The following NAALADL2 variants were observed in gnomAD, a reference collection of about 807,000 sequenced individuals.
The protein encoded by NAALADL2 is inactive N-acetylated-alpha-linked acidic dipeptidase-like protein 2.
Under a neutral mutation model 87.2 loss-of-function variants are expected in NAALADL2, and 76 were observed. The observed-to-expected ratio is 0.87, with a 90% CI of 0.72 to 1.05. The LOEUF (loss-of-function observed/expected upper bound fraction) is 1.05, where lower values mean the gene tolerates loss of function less well. Ranked by LOEUF, NAALADL2 falls within the 50% of genes least tolerant of loss-of-function variation. The pLI is 0.00. For missense variants in NAALADL2, 1,089 were observed against 945.8 expected, an observed-to-expected ratio of 1.15 and a Z score of -1.99; for synonymous variants, 354 against 331.0, an observed-to-expected ratio of 1.07 and a Z score of -0.75.
At chr3:174,712,082 C>T (rs373664187) in intron 2 of NAALADL2, among the ~76,000 whole-genome samples, 2 of 152,192 alleles carry the variant, frequency 1.3e-5, no homozygotes, top group East Asian at 3.9e-4. Context: ...CCACCGCGCC[C>T]TGGCCTAACA....
At chr3:174,799,482 C>G (rs1337128641) in intron 3 of NAALADL2, among the ~76,000 whole-genome samples, 1 of 152,128 alleles carries the variant, frequency 6.6e-6, no homozygotes, top group East Asian at 1.9e-4. Flanking sequence ...CTCTGTTTGC[C>G]TGCTGCCATC....
At chr3:175,062,199 C>T (rs538816361) in intron 1 of NAALADL2, among the ~76,000 whole-genome samples, 1 of 152,236 alleles carries the variant, frequency 6.6e-6, no homozygotes, top group East Asian at 1.9e-4. Flanking sequence ...GAGACAGCAA[C>T]TTAATCTTGA....
At chr3:174,590,209 A>G (rs1717210479) in intron 2 of NAALADL2, among the ~76,000 whole-genome samples, 1 of 151,972 alleles carries the variant, frequency 6.6e-6, no homozygotes, top group Non-Finnish European at 1.5e-5. Flanking sequence ...TTATAAGGAT[A>G]TCTTGGTAAT....
At chr3:175,700,077 T>G (rs962337579) in intron 11 of NAALADL2, among the ~76,000 whole-genome samples, 3 of 152,154 alleles carry the variant, frequency 2.0e-5, no homozygotes, top group Non-Finnish European at 2.9e-5. Context: ...CCCTTATATT[T>G]GCAATCAACT....
chr3:175,533,699 G>A (rs977967077), intron 9 of NAALADL2, among the ~76,000 whole-genome samples: 1 of 152,172 alleles, frequency 6.6e-6, no homozygotes, highest in African/African-American at 2.4e-5. Context: ...TGGCGAGGCT[G>A]TGCGTGCACC....
intron 1 of NAALADL2, among the ~76,000 whole-genome samples, chr3:174,508,722 T>C (rs1260237049): frequency 6.6e-6 from 1 of 152,176 alleles, no homozygotes; most frequent in Non-Finnish European, 1.5e-5. Context: ...ACATTTCATA[T>C]TTTGGTGTCA....
chr3:174,832,428 A>T (rs941215498), intron 3 of NAALADL2, among the ~76,000 whole-genome samples: 1 of 151,752 alleles, frequency 6.6e-6, no homozygotes, highest in African/African-American at 2.4e-5. Flanking sequence ...TTTGAGTGAG[A>T]TTCTTAATCC....
chr3:175,100,718 A>G (rs928596764), intron 2 of NAALADL2, among the ~76,000 whole-genome samples: 1 of 151,806 alleles, frequency 6.6e-6, no homozygotes, highest in Non-Finnish European at 1.5e-5. Context: ...GGCACCTATA[A>G]TCCCAGTTGC....
intron 5 of NAALADL2, among the ~76,000 whole-genome samples, chr3:175,365,124 ATATTATTAACACTACTT>A (rs2148922078): frequency 6.8e-6 from 1 of 147,644 alleles, no homozygotes; most frequent in East Asian, 2.0e-4. Flanking sequence ...ATTTGATTCC[ATATTATTAACACTACTT>A]TGAAGGAGAA....
At chr3:174,747,795 C>G (rs892921612) in intron 3 of NAALADL2, among the ~76,000 whole-genome samples, 1 of 151,940 alleles carries the variant, frequency 6.6e-6, no homozygotes, top group Admixed American at 6.6e-5. Flanking sequence ...TTTAACCCAG[C>G]AATTCCATTA....
chr3:174,893,603 G>T (rs549129810), intron 1 of NAALADL2, among the ~76,000 whole-genome samples: 8 of 152,292 alleles, frequency 5.3e-5, no homozygotes, highest in African/African-American at 1.9e-4. Context: ...GTGCTTATTT[G>T]ATTGATTATT....
chr3:174,929,780 A>G (rs1284385193), intron 1 of NAALADL2, among the ~76,000 whole-genome samples: 1 of 152,158 alleles, frequency 6.6e-6, no homozygotes, highest in Non-Finnish European at 1.5e-5. Context: ...GGCCAATCAA[A>G]GTTGGACTCT....
At chr3:175,382,854 G>A (rs986364098) in intron 5 of NAALADL2, among the ~76,000 whole-genome samples, 2 of 151,836 alleles carry the variant, frequency 1.3e-5, no homozygotes, top group African/African-American at 2.4e-5. Context: ...AAAAAAATAA[G>A]AGGAATGTAC....
At chr3:175,160,599 G>T (rs923103386) in intron 2 of NAALADL2, among the ~76,000 whole-genome samples, 2 of 151,620 alleles carry the variant, frequency 1.3e-5, no homozygotes, top group Non-Finnish European at 1.5e-5. Flanking sequence ...TGATCCGCCC[G>T]CCTCGGCCTC....
intron 4 of NAALADL2, among the ~76,000 whole-genome samples, chr3:175,295,506 A>G (rs1002107013): frequency 1.1e-4 from 16 of 152,028 alleles, no homozygotes; most frequent in Non-Finnish European, 1.0e-4. Context: ...GCCCTCGTAC[A>G]AAAAAATTAC....
intron 9 of NAALADL2, among the ~76,000 whole-genome samples, chr3:175,501,760 G>A (rs1053174402): frequency 2.6e-5 from 4 of 152,120 alleles, no homozygotes; most frequent in Admixed American, 2.6e-4. Context: ...GTAGTGAAAA[G>A]TTTGAAATTA....
intron 10 of NAALADL2, among the ~76,000 whole-genome samples, chr3:175,601,764 C>T (rs1189459552): frequency 2.0e-5 from 3 of 152,094 alleles, no homozygotes; most frequent in East Asian, 1.9e-4. Context: ...CTTTCATAAA[C>T]GCCAAATGCC....
intron 2 of NAALADL2, among the ~76,000 whole-genome samples, chr3:174,646,912 G>A (rs1313924225): frequency 6.6e-6 from 1 of 151,988 alleles, no homozygotes; most frequent in African/African-American, 2.4e-5. Flanking sequence ...ATAGCCCCAA[G>A]TCTGACGACA....
rs148107036 is a variant in NAALADL2, at chr3:175,372,532, G to C, written c.1090+48207G>C. On this transcript the variant is annotated intron_variant, in intron 5 of 13. Transcript: ENST00000454872. ...CTCATGGTTGCTGATAAAGGCTGAAGCTATAGTCATCATTGTAATATTCCA... is the reference window on the plus strand; with the variant it reads ...CTCATGGTTGCTGATAAAGGCTGAACCTATAGTCATCATTGTAATATTCCA... Among the ~76,000 whole-genome samples the C allele has an allele frequency of 1.4e-3, 218 of 152,314 alleles. 2 individuals are homozygous for C. Among genetic ancestry groups the C allele is most frequent in the African/African-American group, 5.0e-3 (209 of 41,586 alleles).
Sources: allele counts gnomAD v4.1 joint callset (sites outside exome capture counted in the v4.1 genomes callset), GRCh38; gene constraint gnomAD v4.1.1; transcripts MANE v1.5; gene names NCBI Gene and HGNC (gene_info 2026-07-23, HGNC 2026-07-21).